Variants in SPAG16 observed in about 807,000 individuals in gnomAD.
SPAG16 encodes sperm associated antigen 16.
In SPAG16, 86 loss-of-function variants were observed where a neutral mutation model predicts 80.4. The observed-to-expected ratio is 1.07, with a 90% CI of 0.90 to 1.28. The LOEUF (loss-of-function observed/expected upper bound fraction) is 1.28. SPAG16 is among the 50% of genes most tolerant of loss of function. SPAG16 has a pLI of 0.00. For synonymous variants in SPAG16, 294 were observed against 265.9 expected (o/e 1.11, Z -1.03); for missense variants, 870 against 765.3 (o/e 1.14, Z -1.61).
chr2:214,015,557 C>T (rs537798524), intron 13 of SPAG16, among the ~76,000 whole-genome samples: 1 of 150,564 alleles, frequency 6.6e-6, no homozygotes, highest in South Asian at 2.1e-4. Flanking sequence ...GAAATCATGC[C>T]ATTGCACTCT....
At chr2:213,973,423 T>C (rs2045190381) in intron 12 of SPAG16, among the ~76,000 whole-genome samples, 1 of 152,006 alleles carries the variant, frequency 6.6e-6, no homozygotes, top group African/African-American at 2.4e-5. Context: ...ACAAGAACAT[T>C]ATGTCAGCCC....
At chr2:214,351,723 A>G (rs1411678780) in intron 15 of SPAG16, among the ~76,000 whole-genome samples, 1 of 151,710 alleles carries the variant, frequency 6.6e-6, no homozygotes, top group African/African-American at 2.4e-5. Context: ...AACAAACAAA[A>G]AAAACAACAA....
chr2:214,367,214 T>C (rs1343678886), intron 15 of SPAG16, among the ~76,000 whole-genome samples: 1 of 152,182 alleles, frequency 6.6e-6, no homozygotes, highest in African/African-American at 2.4e-5. Flanking sequence ...TTAAAACAAA[T>C]TTTTAAAAAC....
rs553131046 is a variant in SPAG16, at chr2:213,682,218, G to A, written c.1071-180267G>A. On this transcript the variant is annotated intron_variant, in intron 10 of 15. Transcript: ENST00000331683. ...GCTAACTTTAGGGAATTTTACACCT[G>A]CATAGACAACTGGAATTGCAGGTTA... Among the ~76,000 whole-genome samples the A allele has an allele frequency of 3.7e-4, 56 of 152,278 alleles. No homozygotes were observed. The South Asian group carries it at 0.011, about 30-fold the overall frequency.
At chr2:214,394,995 A>C (rs1701284179) in intron 15 of SPAG16, among the ~76,000 whole-genome samples, 1 of 152,196 alleles carries the variant, frequency 6.6e-6, no homozygotes. Flanking sequence ...TCTTTCACTT[A>C]GTAGTATGCA....
At chr2:213,477,882 C>T (rs766377191) in intron 9 of SPAG16, among the ~76,000 whole-genome samples, 26 of 152,258 alleles carry the variant, frequency 1.7e-4, no homozygotes, top group Middle Eastern at 6.8e-3. Flanking sequence ...TGGTTAGTTT[C>T]TGTGGCCCCA....
chr2:213,425,734 T>A (rs554909109), intron 9 of SPAG16, among the ~76,000 whole-genome samples: 2 of 152,228 alleles, frequency 1.3e-5, no homozygotes, highest in Non-Finnish European at 2.9e-5. Flanking sequence ...CAGCATTATA[T>A]GAATATTCTA....
At chr2:214,016,857 T>A (rs1460595226) in intron 13 of SPAG16, among the ~76,000 whole-genome samples, 1 of 152,154 alleles carries the variant, frequency 6.6e-6, no homozygotes, top group East Asian at 1.9e-4. Context: ...TTCTGGTTCC[T>A]GGGTCAATAA....
At position 213,387,429 on chromosome 2, in the gene SPAG16, CTCTTTTTTTT is replaced by C. The variant is rs1199068264; in HGVS notation, c.942+12312_942+12321del. Among the ~76,000 whole-genome samples the C allele has an allele frequency of 1.5e-4, 11 of 71,776 alleles. 1 individual carries two copies. The South Asian group carries it at 3.6e-3, about 24-fold the overall frequency. The allele number at this position is 71,776 out of a possible 152,430, so 47.1% of individuals were successfully genotyped here. On this transcript the variant is annotated intron_variant, in intron 9 of 15. Coordinates refer to ENST00000331683, the MANE Select transcript of SPAG16 (RefSeq NM_024532.5). ...TTTTTGGGTTGGAATGAAATGCATG[CTCTTTTTTTT>C]TTTTTTTTTTTTTTTTTTTTTGAGA...
At chr2:213,523,345 A>C (rs2075760329) in intron 10 of SPAG16, among the ~76,000 whole-genome samples, 1 of 152,212 alleles carries the variant, frequency 6.6e-6, no homozygotes. Context: ...TGGAACTGTG[A>C]GTTAATCAAA....
intron 10 of SPAG16, among the ~76,000 whole-genome samples, chr2:213,556,248 A>G (rs1425338010): frequency 6.7e-6 from 1 of 150,168 alleles, no homozygotes. Context: ...GATCCTCAAT[A>G]TAAATGATTA....
intron 10 of SPAG16, among the ~76,000 whole-genome samples, chr2:213,618,739 TA>T (rs937112027): frequency 3.3e-5 from 5 of 151,984 alleles, no homozygotes; most frequent in Non-Finnish European, 4.4e-5. Flanking sequence ...GCACAGAATT[TA>T]AAAAAAATTT....
intron 10 of SPAG16, among the ~76,000 whole-genome samples, chr2:213,662,486 G>A (rs1252330538): frequency 6.6e-6 from 1 of 152,136 alleles, no homozygotes; most frequent in Non-Finnish European, 1.5e-5. Context: ...AGGATTTTGT[G>A]TGTTATCCCA....
rs34221048 is a variant in SPAG16, at chr2:214,284,797, CTGTGTGTGTGTGTGTGTGTG to C, written c.1721-125326_1721-125307del. On this transcript the variant is annotated intron_variant, in intron 15 of 15. Transcript: ENST00000331683. ...TTTTAAGGTTGAATAATATTTTACT[CTGTGTGTGTGTGTGTGTGTG>C]TGTGTGTGTGTGTGTGCATATGTAT... 1.3e-4 allele frequency among the ~76,000 whole-genome samples: 20 copies of C among 149,870 alleles called. No homozygotes were observed. The East Asian group carries it at 2.0e-3, about 15-fold the overall frequency.
At chr2:214,255,336 C>G (rs113590841) in intron 15 of SPAG16, among the ~76,000 whole-genome samples, 20 of 152,094 alleles carry the variant, frequency 1.3e-4, no homozygotes, top group African/African-American at 4.3e-4. Flanking sequence ...GTCTGTCACT[C>G]TGGCCCTGGG....
In SPAG16 at chr2:213,312,271, C is replaced by T. The variant is rs1474068969; in HGVS notation, c.398+2094C>T. Among the ~76,000 whole-genome samples, 4 of 151,590 alleles carry T rather than the reference C, an allele frequency of 2.6e-5. No individual in the cohort carries two copies. The East Asian group carries it at 7.7e-4, about 29-fold the overall frequency. ...ATGAACCACTGAAAAGTTTCCATTG[C>T]AGGTTTAGTCGATGGTTCAATTCTA... On this transcript the variant is annotated intron_variant, in intron 4 of 15. Coordinates refer to ENST00000331683, the MANE Select transcript of SPAG16 (RefSeq NM_024532.5).
intron 10 of SPAG16, among the ~76,000 whole-genome samples, chr2:213,697,411 T>C (rs1402015603): frequency 6.6e-6 from 1 of 152,176 alleles, no homozygotes; most frequent in East Asian, 1.9e-4. Flanking sequence ...CTGCACAATG[T>C]GATAGGCTGA....
intron 12 of SPAG16, among the ~76,000 whole-genome samples, chr2:213,980,305 T>A (rs2045644079): frequency 6.8e-5 from 2 of 29,478 alleles, no homozygotes; most frequent in African/African-American, 6.8e-4. Flanking sequence ...GTATATATAT[T>A]CTCTATATAT....
chr2:213,340,629 A>T (rs1455127323), intron 6 of SPAG16, among the ~76,000 whole-genome samples: 1 of 152,190 alleles, frequency 6.6e-6, no homozygotes, highest in Non-Finnish European at 1.5e-5. Context: ...CTCTTTGCAG[A>T]TAGTACATCC....
Sources: gnomAD v4.1 joint callset for allele counts (sites outside exome capture counted in the v4.1 genomes callset) on GRCh38, gnomAD v4.1.1 for gene constraint, MANE v1.5 for transcripts, NCBI Gene and HGNC (gene_info 2026-07-23, HGNC 2026-07-21) for gene names.